Variants in RNF150 observed in about 807,000 individuals in gnomAD.
RNF150 encodes the protein ring finger protein 150.
Under a neutral mutation model 39.3 loss-of-function variants are expected in RNF150, and 24 were observed. That is an observed-to-expected ratio of 0.61 (90% CI 0.44 to 0.86). The LOEUF (loss-of-function observed/expected upper bound fraction) is 0.86, where lower values mean the gene tolerates loss of function less well. Among genes scored for constraint, RNF150 ranks in the 40% least tolerant of loss-of-function variants. The pLI, the probability that RNF150 is intolerant of heterozygous loss-of-function variation, is 0.00. For missense variants in RNF150, 502 were observed against 587.8 expected, an observed-to-expected ratio of 0.85 and a Z score of 1.51; for synonymous variants, 255 against 227.3, an observed-to-expected ratio of 1.12 and a Z score of -1.10.
intron 1 of RNF150, among the ~76,000 whole-genome samples, chr4:141,083,647 C>T (rs1425856640): frequency 6.6e-6 from 1 of 152,030 alleles, no homozygotes; most frequent in Non-Finnish European, 1.5e-5. Flanking sequence ...CCATTTTTCC[C>T]TTCTTTTTTT....
chr4:140,947,607 G>C, intron 4 of RNF150, 47 bp downstream of exon 4: 4 of 1,439,056 alleles, frequency 2.8e-6, no homozygotes, highest in Non-Finnish European at 3.9e-6. Context: ...ACGCAGGCAC[G>C]CTCCACACAC....
intron 1 of RNF150, among the ~76,000 whole-genome samples, chr4:141,143,774 A>G (rs1460585020): frequency 6.6e-6 from 1 of 151,778 alleles, no homozygotes; most frequent in African/African-American, 2.4e-5. Context: ...CACTCTCTTC[A>G]GGGCTTTTGC....
At chr4:140,918,080 G>C (rs1002460812) in intron 5 of RNF150, among the ~76,000 whole-genome samples, 2 of 151,864 alleles carry the variant, frequency 1.3e-5, no homozygotes, top group African/African-American at 4.8e-5. Flanking sequence ...ATGCCCACAA[G>C]AGAAAGCAGG....
chr4:141,032,459 C>T (rs1735984878), intron 1 of RNF150, among the ~76,000 whole-genome samples: 1 of 152,170 alleles, frequency 6.6e-6, no homozygotes, highest in Non-Finnish European at 1.5e-5. Flanking sequence ...CATGTACATA[C>T]ATACACAAAC....
chr4:140,874,837 T>G (rs1729087787), intron 6 of RNF150, among the ~76,000 whole-genome samples: 2 of 152,216 alleles, frequency 1.3e-5, no homozygotes, highest in African/African-American at 4.8e-5. Context: ...TTATTTTATT[T>G]TTTTTAAAGT....
At chr4:140,902,126 G>T (rs1578946682) in intron 6 of RNF150, among the ~76,000 whole-genome samples, 1 of 152,306 alleles carries the variant, frequency 6.6e-6, no homozygotes, top group East Asian at 1.9e-4. Context: ...ACTGGAGGAT[G>T]GTAGGACCAG....
At chr4:140,911,042 C>T (rs1730576482) in intron 6 of RNF150, 102 bp downstream of exon 6, 3 of 879,784 alleles carry the variant, frequency 3.4e-6, no homozygotes, top group Non-Finnish European at 3.7e-6. Flanking sequence ...CAATGATGTA[C>T]TCATTCAATA....
intron 1 of RNF150, among the ~76,000 whole-genome samples, chr4:141,118,345 T>C (rs933674891): frequency 2.0e-5 from 3 of 152,048 alleles, no homozygotes; most frequent in Admixed American, 6.6e-5. Flanking sequence ...CTCTCTCAGG[T>C]TTTTCTGAGG....
At position 140,861,281 on chromosome 4, in the gene RNF150, A is replaced by G. The variant is rs1728480045; in HGVS notation, c.*6980T>C. On this transcript the variant is annotated 3_prime_UTR_variant, in exon 7 of 7. Transcript: ENST00000515673. ...GTCCCTTGCTTATAACTGCACAAAC[A>G]TTCTAGCCAGAGGCATCTTCTTTGC... 6.6e-6 allele frequency: 1 copy of G among 152,234 alleles called. No homozygotes were observed. The highest frequency in any genetic ancestry group is 1.5e-5 in the Non-Finnish European group (1 of 68,038). 9.4% of individuals were successfully genotyped at this position (152,234 alleles called of 1,614,324 possible).
At chr4:141,064,359 C>T (rs1039781887) in intron 1 of RNF150, among the ~76,000 whole-genome samples, 15 of 152,228 alleles carry the variant, frequency 9.9e-5, no homozygotes, top group Middle Eastern at 3.4e-3. Context: ...TGTATGTTTC[C>T]GCTTTGGCCT....
At chr4:141,110,760 G>A (rs1431349397) in intron 1 of RNF150, among the ~76,000 whole-genome samples, 3 of 151,938 alleles carry the variant, frequency 2.0e-5, no homozygotes, top group South Asian at 4.1e-4. Context: ...TACAGCAGGT[G>A]TTAATAAATT....
At chr4:140,926,437 TA>T (rs1457474271) in intron 4 of RNF150, among the ~76,000 whole-genome samples, 5 of 152,186 alleles carry the variant, frequency 3.3e-5, no homozygotes, top group South Asian at 2.1e-4. Context: ...GATACTACTT[TA>T]AAAAATATGC....
At chr4:141,007,086 T>C (rs896739406) in intron 1 of RNF150, among the ~76,000 whole-genome samples, 2 of 152,224 alleles carry the variant, frequency 1.3e-5, no homozygotes, top group Non-Finnish European at 2.9e-5. Flanking sequence ...ATGTAAAATA[T>C]TGATTTCCAA....
intron 6 of RNF150, among the ~76,000 whole-genome samples, chr4:140,892,659 C>A (rs2111229889): frequency 6.6e-6 from 1 of 152,314 alleles, no homozygotes; most frequent in African/African-American, 2.4e-5. Context: ...TGGGTGACTT[C>A]TTGGCTTCGC....
intron 1 of RNF150, among the ~76,000 whole-genome samples, chr4:141,059,791 T>C (rs915310663): frequency 5.9e-5 from 9 of 152,128 alleles, no homozygotes; most frequent in Non-Finnish European, 2.9e-5. Flanking sequence ...CAGAAAACTT[T>C]AACAGTCTTT....
At chr4:140,947,371 G>C (rs570449841) in intron 4 of RNF150, among the ~76,000 whole-genome samples, 10 of 152,078 alleles carry the variant, frequency 6.6e-5, no homozygotes, top group African/African-American at 2.4e-4. Flanking sequence ...TGTACTTGGC[G>C]GCCACATCAT....
chr4:141,051,060 C>T (rs2110889840), intron 1 of RNF150, among the ~76,000 whole-genome samples: 1 of 152,294 alleles, frequency 6.6e-6, no homozygotes, highest in South Asian at 2.1e-4. Flanking sequence ...GACTTCTGTG[C>T]ACCCACAGGC....
intron 1 of RNF150, among the ~76,000 whole-genome samples, chr4:141,049,997 A>T (rs35591824): frequency 0.43 from 65,002 of 151,854 alleles, 16,002 homozygotes; most frequent in Non-Finnish European, 0.56. Context: ...AATTAATTTA[A>T]AATTTATAGA....
chr4:141,054,962 C>T (rs1736913484), intron 1 of RNF150, among the ~76,000 whole-genome samples: 1 of 151,982 alleles, frequency 6.6e-6, no homozygotes, highest in Non-Finnish European at 1.5e-5. Flanking sequence ...TTGTAAAATG[C>T]CATTACTTTA....
Sources: gnomAD v4.1 joint callset for allele counts (sites outside exome capture counted in the v4.1 genomes callset) on GRCh38, gnomAD v4.1.1 for gene constraint, MANE v1.5 for transcripts, NCBI Gene and HGNC (gene_info 2026-07-23, HGNC 2026-07-21) for gene names.